CADM2: variants seen among roughly 807,000 people sequenced by gnomAD.
The protein encoded by CADM2 is cell adhesion molecule 2.
A neutral mutation model predicts 49.8 loss-of-function variants in CADM2; 12 were observed. The observed-to-expected ratio is 0.24, with a 90% CI of 0.15 to 0.39. CADM2 has a LOEUF of 0.39. CADM2 is among the 10% of genes least tolerant of loss of function. The pLI is 1.00. For synonymous variants in CADM2, 214 were observed against 175.4 expected, an observed-to-expected ratio of 1.22 and a Z score of -1.74; for missense variants, 378 against 492.3, an observed-to-expected ratio of 0.77 and a Z score of 2.20.
chr3:85,698,537 T>C (rs962159584), intron 1 of CADM2, among the ~76,000 whole-genome samples: 3 of 152,020 alleles, frequency 2.0e-5, no homozygotes, highest in African/African-American at 7.2e-5. Flanking sequence ...CTTACAATCA[T>C]AGGAGAAGGC....
chr3:86,036,075 C>T (rs996970335), intron 8 of CADM2, among the ~76,000 whole-genome samples: 11 of 152,052 alleles, frequency 7.2e-5, no homozygotes, highest in African/African-American at 2.7e-4. Flanking sequence ...TCTCACCTTC[C>T]AATACCATTG....
chr3:84,967,258 T>C (rs987822138), intron 1 of CADM2, among the ~76,000 whole-genome samples: 2 of 152,134 alleles, frequency 1.3e-5, no homozygotes, highest in African/African-American at 4.8e-5. Flanking sequence ...TATTCTAAAA[T>C]GCAGGTGCCT....
At chr3:85,644,048 A>G (rs893118282) in intron 1 of CADM2, among the ~76,000 whole-genome samples, 2 of 152,154 alleles carry the variant, frequency 1.3e-5, no homozygotes, top group Admixed American at 1.3e-4. Context: ...GAGTATACCC[A>G]TGCATTACTC....
At chr3:85,086,430 G>A (rs1455093638) in intron 1 of CADM2, among the ~76,000 whole-genome samples, 3 of 150,586 alleles carry the variant, frequency 2.0e-5, no homozygotes, top group Non-Finnish European at 4.4e-5. Context: ...TTCTAGTGTA[G>A]TATACTAGAT....
At chr3:85,246,213 G>A (rs573336968) in intron 1 of CADM2, among the ~76,000 whole-genome samples, 2 of 151,934 alleles carry the variant, frequency 1.3e-5, no homozygotes, top group South Asian at 4.2e-4. Flanking sequence ...ACCAAACACC[G>A]CATGTTCTCA....
rs75716149 is a variant in CADM2, at chr3:85,396,761, T to G, written c.62-329761T>G. Among the ~76,000 whole-genome samples the G allele has an allele frequency of 6.6e-3, 997 of 152,126 alleles. 4 individuals carry two copies. The highest frequency in any genetic ancestry group is 0.012 in the Non-Finnish European group (787 of 67,938). On this transcript the variant is annotated intron_variant, in intron 1 of 9. Coordinates refer to ENST00000383699, the MANE Select transcript of CADM2 (RefSeq NM_001167675.2). The stretch of plus-strand genomic sequence containing the variant: ...CTCATTTAATACCACATACAAAAAT[T>G]AATTTAAAATGGATCAAATACCTAA...
At chr3:85,419,675 C>T (rs1259862020) in intron 1 of CADM2, among the ~76,000 whole-genome samples, 3 of 152,136 alleles carry the variant, frequency 2.0e-5, no homozygotes, top group East Asian at 1.9e-4. Context: ...ACAGTTGCCA[C>T]CTAGATTTTT....
chr3:85,212,836 T>TC (rs1553696327), intron 1 of CADM2, among the ~76,000 whole-genome samples: 1 of 105,468 alleles, frequency 9.5e-6, no homozygotes, highest in East Asian at 2.5e-4. Context: ...CTTTCTTTCT[T>TC]TCTTTCTTTC....
rs2061632496 is a variant in CADM2 at position 85,544,914 on chromosome 3, G to A, written c.62-181608G>A. ...GAAGAGAAAAAATAGATCTTGAGCG[G>A]TGCTTTGTGAACAATCATGTTTACA... On this transcript the variant is annotated intron_variant, in intron 1 of 9. Coordinates refer to ENST00000383699, the MANE Select transcript of CADM2 (RefSeq NM_001167675.2). Among the ~76,000 whole-genome samples the A allele has an allele frequency of 2.0e-5, 3 of 152,116 alleles. No individual in the cohort carries two copies. In the East Asian group the frequency reaches 5.8e-4, roughly 29 times the overall value.
chr3:85,677,939 C>T (rs2065931996), intron 1 of CADM2, among the ~76,000 whole-genome samples: 1 of 152,146 alleles, frequency 6.6e-6, no homozygotes, highest in South Asian at 2.1e-4. Context: ...TCCCATGAAT[C>T]AGAAAGCATA....
At chr3:85,322,324 C>G (rs2044635959) in intron 1 of CADM2, among the ~76,000 whole-genome samples, 1 of 152,180 alleles carries the variant, frequency 6.6e-6, no homozygotes. Flanking sequence ...GTGTTGTCAT[C>G]TTGTTATCAT....
intron 1 of CADM2, among the ~76,000 whole-genome samples, chr3:85,157,245 G>A (rs984069616): frequency 3.7e-4 from 56 of 151,556 alleles, no homozygotes; most frequent in African/African-American, 1.3e-3. Context: ...AATCAATATC[G>A]TGAAAATGGC....
intron 1 of CADM2, among the ~76,000 whole-genome samples, chr3:85,528,197 C>G (rs988881755): frequency 1.3e-5 from 2 of 152,062 alleles, no homozygotes; most frequent in Non-Finnish European, 2.9e-5. Flanking sequence ...TTCCTGTTGT[C>G]ATTATCACAG....
intron 1 of CADM2, among the ~76,000 whole-genome samples, chr3:85,154,273 C>T (rs1177592359): frequency 1.3e-4 from 19 of 151,966 alleles, no homozygotes; most frequent in Non-Finnish European, 2.4e-4. Context: ...AACCAAGGCT[C>T]GAGAACTATG....
chr3:85,345,794 A>G (rs1451649239), intron 1 of CADM2, among the ~76,000 whole-genome samples: 1 of 152,182 alleles, frequency 6.6e-6, no homozygotes, highest in Non-Finnish European at 1.5e-5. Context: ...ATAAATGTCA[A>G]TATCCTGATT....
At position 86,066,868 on chromosome 3, in the gene CADM2, T is replaced by A; in HGVS notation, c.*85T>A. On this transcript the variant is annotated 3_prime_UTR_variant, in exon 10 of 10. Transcript: ENST00000383699. ...CATCTTTCAGAAGTCATTTCTACCATCGTCTGCTACCCTTATTAACTCCCA... is the reference window on the plus strand; with the variant it reads ...CATCTTTCAGAAGTCATTTCTACCAACGTCTGCTACCCTTATTAACTCCCA... The A allele has an allele frequency of 2.2e-6, 2 of 891,074 alleles. No individual in the cohort carries two copies. Among genetic ancestry groups the A allele is most frequent in the Non-Finnish European group, 3.7e-6 (2 of 534,148 alleles). 55.2% of individuals were successfully genotyped at this position (891,074 alleles called of 1,614,324 possible).
chr3:85,233,789 G>T (rs2042352727), intron 1 of CADM2, among the ~76,000 whole-genome samples: 1 of 151,954 alleles, frequency 6.6e-6, no homozygotes, highest in Non-Finnish European at 1.5e-5. Context: ...ATCCTGACTT[G>T]TTTCACAAAA....
chr3:85,654,873 T>C (rs2065149990), intron 1 of CADM2, among the ~76,000 whole-genome samples: 1 of 152,158 alleles, frequency 6.6e-6, no homozygotes, highest in Admixed American at 6.5e-5. Flanking sequence ...TAAACTTAAT[T>C]GTTAATTGAT....
chr3:84,965,496 A>G (rs938916981), intron 1 of CADM2, among the ~76,000 whole-genome samples: 2 of 152,232 alleles, frequency 1.3e-5, no homozygotes, highest in African/African-American at 4.8e-5. Flanking sequence ...ACAAAGCAAA[A>G]GAGAGAACAT....
Sources: gnomAD v4.1 joint callset for allele counts (sites outside exome capture counted in the v4.1 genomes callset) on GRCh38, gnomAD v4.1.1 for gene constraint, MANE v1.5 for transcripts, NCBI Gene and HGNC (gene_info 2026-07-23, HGNC 2026-07-21) for gene names.